CHCHD3: variants seen among roughly 807,000 people sequenced by gnomAD.
The protein encoded by CHCHD3 is MICOS complex subunit MIC19.
Under a neutral mutation model 38.2 loss-of-function variants are expected in CHCHD3, and 20 were observed. That is an observed-to-expected ratio of 0.52 (90% CI 0.37 to 0.76). The LOEUF (loss-of-function observed/expected upper bound fraction) is 0.76, where lower values mean the gene tolerates loss of function less well. CHCHD3 is among the 30% of genes least tolerant of loss of function. The pLI is 0.00. For missense variants in CHCHD3, 245 were observed against 279.2 expected (o/e 0.88, Z 0.87); for synonymous variants, 82 against 100.0 (o/e 0.82, Z 1.07).
At chr7:133,012,809 A>C in intron 3 of CHCHD3, among the ~76,000 whole-genome samples, 1 of 70,798 alleles carries the variant, frequency 1.4e-5, no homozygotes, top group African/African-American at 5.9e-5. Context: ...GGGGAGGGGA[A>C]GAGAGGGGAG....
At chr7:132,925,780 C>T (rs1810363030) in intron 4 of CHCHD3, among the ~76,000 whole-genome samples, 1 of 152,174 alleles carries the variant, frequency 6.6e-6, no homozygotes, top group African/African-American at 2.4e-5. Context: ...AGAAGTGGAG[C>T]ACAAACACAG....
chr7:132,955,703 G>C (rs1811148251), intron 4 of CHCHD3, among the ~76,000 whole-genome samples: 1 of 152,156 alleles, frequency 6.6e-6, no homozygotes, highest in Non-Finnish European at 1.5e-5. Context: ...ATAGGTGGAG[G>C]AACTAATGCA....
At chr7:132,913,750 G>A (rs1167152198) in intron 4 of CHCHD3, among the ~76,000 whole-genome samples, 2 of 152,168 alleles carry the variant, frequency 1.3e-5, no homozygotes, top group Admixed American at 6.5e-5. Flanking sequence ...GTTACTAGCA[G>A]CAGAGGGAAG....
At chr7:132,868,962 T>C (rs971511027) in intron 5 of CHCHD3, among the ~76,000 whole-genome samples, 16 of 152,014 alleles carry the variant, frequency 1.1e-4, no homozygotes, top group Admixed American at 5.9e-4. Context: ...ATGGAGAAGA[T>C]GGAAAATATA....
intron 6 of CHCHD3, among the ~76,000 whole-genome samples, chr7:132,811,611 G>A (rs953993206): frequency 6.6e-6 from 1 of 152,142 alleles, no homozygotes; most frequent in Admixed American, 6.5e-5. Flanking sequence ...AACTGCTCTT[G>A]CTAAAATCAG....
chr7:132,973,643 T>C, intron 4 of CHCHD3: 1 of 1,020,200 alleles, frequency 9.8e-7, no homozygotes. Context: ...TATTTGCCCA[T>C]GCAACCGGGA....
intron 4 of CHCHD3, among the ~76,000 whole-genome samples, chr7:132,912,872 C>T (rs1179130015): frequency 6.6e-6 from 1 of 152,166 alleles, no homozygotes; most frequent in Non-Finnish European, 1.5e-5. Context: ...GGACTACTAA[C>T]AGTACCTCCC....
intron 1 of CHCHD3, 41 bp downstream of exon 1, chr7:133,081,816 G>C: frequency 1.3e-6 from 2 of 1,543,298 alleles, no homozygotes; most frequent in Non-Finnish European, 1.8e-6. Context: ...CTTGGGGTCC[G>C]AGTCCAACCA....
At chr7:132,898,052 T>C (rs965812284) in intron 4 of CHCHD3, among the ~76,000 whole-genome samples, 2 of 148,388 alleles carry the variant, frequency 1.3e-5, no homozygotes, top group African/African-American at 5.0e-5. Flanking sequence ...GTGTCTGGAG[T>C]TGTTTGTTCC....
intron 5 of CHCHD3, among the ~76,000 whole-genome samples, chr7:132,868,991 C>T (rs947119302): frequency 3.3e-5 from 5 of 151,882 alleles, no homozygotes; most frequent in African/African-American, 9.7e-5. Context: ...TGTACTTACT[C>T]GATGTTAACA....
chr7:132,791,455 T>A (rs1324889922), intron 7 of CHCHD3, among the ~76,000 whole-genome samples: 1 of 152,218 alleles, frequency 6.6e-6, no homozygotes, highest in African/African-American at 2.4e-5. Flanking sequence ...CAACAGCCTA[T>A]AAGTCTATTA....
chr7:132,981,793 G>A (rs1811924372), intron 3 of CHCHD3, among the ~76,000 whole-genome samples: 2 of 152,076 alleles, frequency 1.3e-5, no homozygotes, highest in African/African-American at 4.8e-5. Flanking sequence ...TCAGATAATG[G>A]GTAAGAATAA....
intron 6 of CHCHD3, among the ~76,000 whole-genome samples, chr7:132,812,586 C>T (rs1041117966): frequency 2.3e-4 from 35 of 152,152 alleles, no homozygotes; most frequent in African/African-American, 8.4e-4. Context: ...ACTATTTCAA[C>T]AGCCTCCCAT....
chr7:132,889,849 A>G (rs577564787), intron 4 of CHCHD3, among the ~76,000 whole-genome samples: 30 of 152,380 alleles, frequency 2.0e-4, no homozygotes, highest in Non-Finnish European at 3.1e-4. Flanking sequence ...ACTTTAAAAA[A>G]GTAGTAAACC....
chr7:133,043,456 TCATGGCGAAA>T (rs1275243118), intron 2 of CHCHD3, among the ~76,000 whole-genome samples: 1 of 151,974 alleles, frequency 6.6e-6, no homozygotes, highest in African/African-American at 2.4e-5. Flanking sequence ...AGCCTGGCCA[TCATGGCGAAA>T]CTCCGTGTCT....
At chr7:132,933,730 C>T (rs996502372) in intron 4 of CHCHD3, among the ~76,000 whole-genome samples, 1 of 152,210 alleles carries the variant, frequency 6.6e-6, no homozygotes, top group African/African-American at 2.4e-5. Context: ...AACTTTATTA[C>T]TCACTCAGGC....
At chr7:132,908,022 C>T (rs948239697) in intron 4 of CHCHD3, among the ~76,000 whole-genome samples, 1 of 152,016 alleles carries the variant, frequency 6.6e-6, no homozygotes, top group Non-Finnish European at 1.5e-5. Flanking sequence ...AGAATCACCA[C>T]CGAAACTAGG....
At chr7:132,883,095 A>G (rs1228656824) in intron 5 of CHCHD3, among the ~76,000 whole-genome samples, 1 of 152,142 alleles carries the variant, frequency 6.6e-6, no homozygotes, top group Non-Finnish European at 1.5e-5. Context: ...CTTCTGCCGT[A>G]ATTGTAAGTT....
intron 3 of CHCHD3, among the ~76,000 whole-genome samples, chr7:132,987,606 C>T (rs1478197689): frequency 6.6e-6 from 1 of 152,200 alleles, no homozygotes; most frequent in African/African-American, 2.4e-5. Context: ...CAGAACACAA[C>T]TGACATTAGA....
Sources: gnomAD v4.1 joint callset for allele counts (sites outside exome capture counted in the v4.1 genomes callset) on GRCh38, gnomAD v4.1.1 for gene constraint, MANE v1.5 for transcripts, NCBI Gene and HGNC (gene_info 2026-07-23, HGNC 2026-07-21) for gene names.